Variants in RBMS3 observed in about 807,000 individuals in gnomAD.
The protein encoded by RBMS3 is RNA-binding motif, single-stranded-interacting protein 3.
Under a neutral mutation model 66.8 loss-of-function variants are expected in RBMS3, and 27 were observed. That is an observed-to-expected ratio of 0.40 (90% CI 0.30 to 0.56). The LOEUF is 0.56. RBMS3 is among the 20% of genes least tolerant of loss of function. The pLI, the probability that RBMS3 is intolerant of heterozygous loss-of-function variation, is 0.40. For missense variants in RBMS3, 513 were observed against 549.5 expected, an observed-to-expected ratio of 0.93 and a Z score of 0.66; for synonymous variants, 188 against 183.0, an observed-to-expected ratio of 1.03 and a Z score of -0.22.
chr3:29,382,769 A>G (rs1440621502), intron 1 of RBMS3, among the ~76,000 whole-genome samples: 6 of 151,812 alleles, frequency 4.0e-5, no homozygotes, highest in Non-Finnish European at 8.8e-5. Flanking sequence ...ACCACCGTTT[A>G]AACTAACAAA....
chr3:29,761,694 T>C (rs1423492421), intron 5 of RBMS3, among the ~76,000 whole-genome samples: 3 of 152,170 alleles, frequency 2.0e-5, no homozygotes, highest in Admixed American at 2.0e-4. Context: ...GGTCCTATAA[T>C]ATGGCCATGT....
At chr3:29,740,302 A>T (rs1255923526) in intron 5 of RBMS3, among the ~76,000 whole-genome samples, 1 of 152,168 alleles carries the variant, frequency 6.6e-6, no homozygotes, top group Non-Finnish European at 1.5e-5. Context: ...ATTTCTCAGT[A>T]AAGAGAAAAT....
At chr3:29,374,124 C>G (rs2038346177) in intron 1 of RBMS3, among the ~76,000 whole-genome samples, 1 of 152,172 alleles carries the variant, frequency 6.6e-6, no homozygotes, top group African/African-American at 2.4e-5. Context: ...AACCATTTGA[C>G]TTTTCTCCAT....
At chr3:29,741,028 G>C (rs28521562) in intron 5 of RBMS3, among the ~76,000 whole-genome samples, 3,811 of 145,564 alleles carry the variant, frequency 0.026, 153 homozygotes, top group African/African-American at 0.092. Context: ...GCAACACAGC[G>C]AGACTCCATC....
intron 4 of RBMS3, among the ~76,000 whole-genome samples, chr3:29,593,265 G>T (rs1287494264): frequency 6.6e-6 from 1 of 152,176 alleles, no homozygotes; most frequent in Non-Finnish European, 1.5e-5. Context: ...CTACTCTTCT[G>T]AATGCACAGG....
At chr3:29,513,889 G>A (rs1255514537) in intron 3 of RBMS3, among the ~76,000 whole-genome samples, 3 of 152,044 alleles carry the variant, frequency 2.0e-5, no homozygotes, top group Non-Finnish European at 2.9e-5. Flanking sequence ...TAAAATGTTG[G>A]ATGTGGTCTC....
At chr3:29,408,348 C>G (rs1443399212) in intron 1 of RBMS3, among the ~76,000 whole-genome samples, 2 of 149,972 alleles carry the variant, frequency 1.3e-5, no homozygotes, top group Non-Finnish European at 3.0e-5. Context: ...ATTGGAATCA[C>G]AGATCTCTTT....
intron 1 of RBMS3, among the ~76,000 whole-genome samples, chr3:29,412,581 AC>A (rs2040310487): frequency 6.6e-6 from 1 of 152,146 alleles, no homozygotes; most frequent in South Asian, 2.1e-4. Context: ...TGTTGACTAG[AC>A]TTTTATGGTA....
chr3:29,988,038 A>G (rs942148437), intron 12 of RBMS3, 105 bp from the exon 13 acceptor site: 1 of 841,072 alleles, frequency 1.2e-6, no homozygotes, highest in Non-Finnish European at 1.9e-6. Context: ...AAAAATACAC[A>G]CTGGCTATGG....
intron 1 of RBMS3, among the ~76,000 whole-genome samples, chr3:29,362,362 G>A (rs1003851975): frequency 1.3e-5 from 2 of 152,214 alleles, no homozygotes; most frequent in South Asian, 2.1e-4. Flanking sequence ...GCAGAACAGC[G>A]AATATTGCTG....
chr3:29,861,036 TG>T (rs2059201559), intron 6 of RBMS3, among the ~76,000 whole-genome samples: 1 of 152,180 alleles, frequency 6.6e-6, no homozygotes, highest in Admixed American at 6.5e-5. Context: ...GCTAATTTTT[TG>T]TATTTTTAGT....
chr3:29,564,212 C>A (rs74729043), intron 3 of RBMS3, among the ~76,000 whole-genome samples: 1 of 152,160 alleles, frequency 6.6e-6, no homozygotes, highest in Non-Finnish European at 1.5e-5. Context: ...AGCAGGGGCT[C>A]ATGCCTGTAA....
intron 5 of RBMS3, among the ~76,000 whole-genome samples, chr3:29,754,144 G>A (rs1370286932): frequency 3.3e-5 from 5 of 152,000 alleles, no homozygotes; most frequent in Non-Finnish European, 1.5e-5. Context: ...AATAGAGGCA[G>A]GGTTTCACCA....
intron 7 of RBMS3, among the ~76,000 whole-genome samples, chr3:29,881,847 G>A (rs1245757212): frequency 6.6e-6 from 1 of 152,132 alleles, no homozygotes; most frequent in Non-Finnish European, 1.5e-5. Context: ...GGGCTAGATA[G>A]CATTGGTCTC....
At chr3:29,804,707 C>G (rs1036532494) in intron 6 of RBMS3, among the ~76,000 whole-genome samples, 1 of 152,026 alleles carries the variant, frequency 6.6e-6, no homozygotes, top group African/African-American at 2.4e-5. Flanking sequence ...AAATTTCACT[C>G]TATTTCTAAT....
intron 1 of RBMS3, among the ~76,000 whole-genome samples, chr3:29,417,521 A>G (rs1352592745): frequency 6.6e-6 from 1 of 152,100 alleles, no homozygotes; most frequent in East Asian, 1.9e-4. Context: ...GGAATATCCT[A>G]TGGGTTTATA....
intron 3 of RBMS3, among the ~76,000 whole-genome samples, chr3:29,490,106 G>T (rs1026640871): frequency 6.7e-6 from 1 of 148,560 alleles, no homozygotes; most frequent in Non-Finnish European, 1.5e-5. Context: ...TTAAAATTGT[G>T]TAGGTTTTTA....
intron 1 of RBMS3, among the ~76,000 whole-genome samples, chr3:29,399,183 A>G (rs954725752): frequency 6.6e-6 from 1 of 152,012 alleles, no homozygotes; most frequent in Non-Finnish European, 1.5e-5. Context: ...ATAAAGTCCA[A>G]GTCTCAAACA....
chr3:29,692,117 G>A (rs1407243078), intron 4 of RBMS3, among the ~76,000 whole-genome samples: 3 of 151,412 alleles, frequency 2.0e-5, no homozygotes, highest in Non-Finnish European at 4.4e-5. Flanking sequence ...AAGTAGCTGG[G>A]ATTACAGATG....
Sources: allele counts gnomAD v4.1 joint callset (sites outside exome capture counted in the v4.1 genomes callset), GRCh38; gene constraint gnomAD v4.1.1; transcripts MANE v1.5; gene names NCBI Gene and HGNC (gene_info 2026-07-23, HGNC 2026-07-21).